HAVCR1: variants seen among roughly 807,000 people sequenced by gnomAD.
HAVCR1 encodes hepatitis A virus cellular receptor 1.
In HAVCR1, 34 loss-of-function variants were observed where a neutral mutation model predicts 32.0. The observed-to-expected ratio is 1.06, with a 90% CI of 0.81 to 1.42. The LOEUF (loss-of-function observed/expected upper bound fraction) is 1.42. Ranked by LOEUF, HAVCR1 falls within the 40% of genes most tolerant of loss-of-function variation. The pLI is 0.00. For synonymous variants in HAVCR1, 178 were observed against 170.3 expected (o/e 1.05, Z -0.35); for missense variants, 420 against 442.3 (o/e 0.95, Z 0.45).
chr5:157,048,755 G>A (rs532048465), intron 5 of HAVCR1, among the ~76,000 whole-genome samples: 85 of 152,232 alleles, frequency 5.6e-4, no homozygotes, highest in Non-Finnish European at 9.0e-4. Context: ...GCGTGAACCT[G>A]GGAGGCGGAG....
chr5:157,052,168 C>T (rs1755775326), intron 4 of HAVCR1, among the ~76,000 whole-genome samples, 193 bp downstream of exon 4: 1 of 152,166 alleles, frequency 6.6e-6, no homozygotes, highest in South Asian at 2.1e-4. Context: ...CCCCTCACTC[C>T]AAAAATGCTC....
chr5:157,062,933 A>G (rs1028081126), upstream of HAVCR1, among the ~76,000 whole-genome samples: 1 of 152,036 alleles, frequency 6.6e-6, no homozygotes, highest in Non-Finnish European at 1.5e-5. Context: ...CAGCCTGGCC[A>G]ATATGGCAAA....
At chr5:157,044,615 GAGAAA>G (rs1755216494) in intron 5 of HAVCR1, among the ~76,000 whole-genome samples, 3 of 52,660 alleles carry the variant, frequency 5.7e-5, no homozygotes, top group Non-Finnish European at 1.2e-4. Flanking sequence ...AAGAAAGAAA[GAGAAA>G]GAAAGAAAGA....
intron 6 of HAVCR1, 94 bp from the exon 7 acceptor site, chr5:157,037,455 G>T: frequency 1.5e-6 from 1 of 666,290 alleles, no homozygotes; most frequent in South Asian, 1.8e-5. Flanking sequence ...ACATTTACCT[G>T]TATTGGTGCT....
intron 5 of HAVCR1, 32 bp downstream of exon 5, chr5:157,049,006 T>C (rs773494646): frequency 4.9e-6 from 6 of 1,222,264 alleles, no homozygotes; most frequent in East Asian, 4.6e-5. Context: ...GTTTGAATGA[T>C]CCCAGGTCTT....
At chr5:157,068,844 C>T in the HAVCR1 span, among the ~76,000 whole-genome samples, 3 of 152,100 alleles carry the variant, frequency 2.0e-5, no homozygotes, top group Non-Finnish European at 4.4e-5. Context: ...TTCCTGGGCT[C>T]AAGCAATCCC....
At chr5:157,066,965 A>C in the HAVCR1 span, among the ~76,000 whole-genome samples, 8 of 152,176 alleles carry the variant, frequency 5.3e-5, no homozygotes, top group African/African-American at 1.9e-4. Flanking sequence ...ACATGCTTGT[A>C]ATCCCAGCTA....
In HAVCR1 at chr5:157,029,857, T is replaced by G; in HGVS notation, c.987-16A>C. On this transcript the variant is annotated splice_polypyrimidine_tract_variant and intron_variant, in intron 8 of 8. Transcript: ENST00000523175. Reference sequence around the variant, plus strand: ...AAATGAAACACTGTAGAAAGAGTTGTTGAAGAATAACATGAGTAAGAAAAA... The same window carrying G: ...AAATGAAACACTGTAGAAAGAGTTGGTGAAGAATAACATGAGTAAGAAAAA... The G allele has an allele frequency of 6.2e-7, 1 of 1,606,794 alleles. No individual in the cohort carries two copies. Among genetic ancestry groups the G allele is most frequent in the Non-Finnish European group, 8.5e-7 (1 of 1,175,608 alleles).
chr5:157,044,586 G>GGAAAGAAAGAAAGAAAGA lies in HAVCR1; in HGVS notation c.782-1922_782-1905dup, dbSNP rs1755190229. ...GAGAGAAAGAAAGACAAAGAAAGAA[G>GGAAAGAAAGAAAGAAAGA]GAAAGAAAGAAAGAAAGAAAGAAAG... On this transcript the variant is annotated intron_variant, in intron 5 of 8. Transcript: ENST00000523175. Among the ~76,000 whole-genome samples, 62 of 56,402 alleles carry GGAAAGAAAGAAAGAAAGA rather than the reference G, an allele frequency of 1.1e-3. 1 individual carries two copies. Among genetic ancestry groups the GGAAAGAAAGAAAGAAAGA allele is most frequent in the African/African-American group, 4.4e-3 (61 of 13,946 alleles). 37.0% of individuals were successfully genotyped at this position (56,402 alleles called of 152,430 possible).
At chr5:157,034,147 C>A (rs1561579528) in intron 7 of HAVCR1, among the ~76,000 whole-genome samples, 1 of 152,060 alleles carries the variant, frequency 6.6e-6, no homozygotes, top group Admixed American at 6.5e-5. Flanking sequence ...AGGACCCACG[C>A]CGGCACTTGT....
the HAVCR1 span, among the ~76,000 whole-genome samples, chr5:157,068,038 G>A: frequency 7.5e-3 from 1,141 of 151,986 alleles, 8 homozygotes; most frequent in Non-Finnish European, 9.7e-3. Flanking sequence ...TTGGGAGGCC[G>A]AGGTAGACAG....
intron 8 of HAVCR1, among the ~76,000 whole-genome samples, chr5:157,031,162 A>T (rs1454247437): frequency 1.3e-5 from 2 of 152,236 alleles, no homozygotes; most frequent in African/African-American, 4.8e-5. Context: ...TCCAATCTGT[A>T]AAATGAGAAT....
chr5:157,059,845 T>C (rs1756432395), upstream of HAVCR1, among the ~76,000 whole-genome samples: 1 of 151,844 alleles, frequency 6.6e-6, no homozygotes, highest in Non-Finnish European at 1.5e-5. Flanking sequence ...AAAAATATAG[T>C]CAGGCCTTGT....
chr5:157,062,004 A>G (rs1397531336), upstream of HAVCR1, among the ~76,000 whole-genome samples: 1 of 152,138 alleles, frequency 6.6e-6, no homozygotes, highest in Non-Finnish European at 1.5e-5. Context: ...ACTCCCAAAC[A>G]ATATAGCACA....
intron 5 of HAVCR1, among the ~76,000 whole-genome samples, chr5:157,048,219 C>T (rs1212333297): frequency 6.6e-6 from 1 of 152,148 alleles, no homozygotes; most frequent in African/African-American, 2.4e-5. Flanking sequence ...AGCATAGGGT[C>T]TGGTGTTTGA....
intron 5 of HAVCR1, among the ~76,000 whole-genome samples, chr5:157,048,110 A>T (rs762626003): frequency 6.6e-6 from 1 of 152,214 alleles, no homozygotes; most frequent in African/African-American, 2.4e-5. Context: ...GGACACAAAC[A>T]TTCAAATCAT....
At chr5:157,065,274 G>A in the HAVCR1 span, among the ~76,000 whole-genome samples, 1 of 151,324 alleles carries the variant, frequency 6.6e-6, no homozygotes, top group East Asian at 2.0e-4. Context: ...AGCTGAGATC[G>A]CGCCACTGCG....
At chr5:157,058,255 T>C in intron 1 of HAVCR1, 1 of 276,586 alleles carries the variant, frequency 3.6e-6, no homozygotes, top group Non-Finnish European at 6.9e-6. Context: ...ATACAGGGTA[T>C]CAGGGGAACA....
chr5:157,050,885 G>A (rs1755695768), intron 4 of HAVCR1, among the ~76,000 whole-genome samples: 1 of 152,056 alleles, frequency 6.6e-6, no homozygotes, highest in Non-Finnish European at 1.5e-5. Flanking sequence ...GATCTCTCCT[G>A]GTTAAACACA....
Sources: gnomAD v4.1 joint callset for allele counts (sites outside exome capture counted in the v4.1 genomes callset) on GRCh38, gnomAD v4.1.1 for gene constraint, MANE v1.5 for transcripts, NCBI Gene and HGNC (gene_info 2026-07-23, HGNC 2026-07-21) for gene names.